The following CNTN5 variants were observed in gnomAD, a reference collection of about 807,000 sequenced individuals.
The protein encoded by CNTN5 is contactin 5, also known as contactin-5.
CNTN5 carries 77 observed loss-of-function variants against 129.1 expected under a neutral mutation model. That is an observed-to-expected ratio of 0.60 (90% CI 0.50 to 0.72). The LOEUF (loss-of-function observed/expected upper bound fraction) is 0.72. Ranked by LOEUF, CNTN5 falls within the 30% of genes least tolerant of loss-of-function variation. The pLI is 0.00. For synonymous variants in CNTN5, 509 were observed against 465.6 expected (o/e 1.09, Z -1.20); for missense variants, 1,478 against 1,328.8 (o/e 1.11, Z -1.75).
intron 1 of CNTN5, among the ~76,000 whole-genome samples, chr11:99,027,632 T>C (rs1328637888): frequency 6.6e-6 from 1 of 151,686 alleles, no homozygotes; most frequent in African/African-American, 2.4e-5. Flanking sequence ...TAAATTGTTT[T>C]AGAATGAATA....
chr11:99,468,278 A>G (rs1043537059), intron 2 of CNTN5, among the ~76,000 whole-genome samples: 6 of 152,324 alleles, frequency 3.9e-5, no homozygotes, highest in Admixed American at 2.0e-4. Context: ...AGACTCATGT[A>G]GGATCATCTT....
intron 3 of CNTN5, among the ~76,000 whole-genome samples, chr11:99,611,569 G>C (rs1024990034): frequency 6.6e-6 from 1 of 152,150 alleles, no homozygotes; most frequent in Admixed American, 6.6e-5. Flanking sequence ...AAATGGATTT[G>C]TGTTCAATTT....
At chr11:99,620,889 C>G (rs1950926948) in intron 3 of CNTN5, among the ~76,000 whole-genome samples, 1 of 151,694 alleles carries the variant, frequency 6.6e-6, no homozygotes, top group South Asian at 2.1e-4. Flanking sequence ...AAAATAAAAA[C>G]TTTAGAGAAA....
At chr11:99,954,875 C>G (rs2136162706) in intron 7 of CNTN5, among the ~76,000 whole-genome samples, 1 of 152,220 alleles carries the variant, frequency 6.6e-6, no homozygotes, top group South Asian at 2.1e-4. Flanking sequence ...ACTTGAAGAA[C>G]TAAATAAGCA....
chr11:99,921,000 C>T (rs1949924901), intron 7 of CNTN5, among the ~76,000 whole-genome samples: 2 of 152,106 alleles, frequency 1.3e-5, no homozygotes, highest in Admixed American at 6.5e-5. Flanking sequence ...AGCTCTCTTT[C>T]TCTACTGAAT....
intron 3 of CNTN5, among the ~76,000 whole-genome samples, chr11:99,722,916 C>T (rs1943220661): frequency 6.6e-6 from 1 of 152,006 alleles, no homozygotes; most frequent in Non-Finnish European, 1.5e-5. Flanking sequence ...TCCTTGCACT[C>T]TCATTTCCTC....
In CNTN5 at chr11:100,292,517, T is replaced by C. The variant is rs114776076; in HGVS notation, c.2315-5108T>C. On this transcript the variant is annotated intron_variant, in intron 18 of 24. Coordinates refer to ENST00000524871, the MANE Select transcript of CNTN5 (RefSeq NM_014361.4). ...TTTCCTCAAGTAGCTCAGTATGAAA[T>C]TGAGGTATTCTAGAAAACTCCGAAA... Among the ~76,000 whole-genome samples the C allele has an allele frequency of 9.4e-3, 1,426 of 152,118 alleles. 24 individuals are homozygous for C. The highest frequency in any genetic ancestry group is 0.032 in the African/African-American group (1,342 of 41,532).
chr11:99,043,291 C>G (rs1591095052), intron 1 of CNTN5, among the ~76,000 whole-genome samples: 1 of 130,220 alleles, frequency 7.7e-6, no homozygotes, highest in Non-Finnish European at 1.6e-5. Context: ...CCCCTCCCCC[C>G]ACCCCACCAC....
In CNTN5 at chr11:100,353,247, A is replaced by G. The variant is rs73565684; in HGVS notation, c.3199+2377A>G. Among the ~76,000 whole-genome samples the G allele has an allele frequency of 3.3e-3, 501 of 151,632 alleles. 3 individuals carry two copies. The highest frequency in any genetic ancestry group is 0.012 in the African/African-American group (480 of 41,474). On this transcript the variant is annotated intron_variant, in intron 24 of 24. Transcript: ENST00000524871. Reference sequence around the variant, plus strand: ...GAGTTTCAGTATGGGAAACTCTTACACTATTGTCTACCTTAGACTCAGAAC... The same window carrying G: ...GAGTTTCAGTATGGGAAACTCTTACGCTATTGTCTACCTTAGACTCAGAAC...
chr11:100,196,604 A>C (rs185894308), intron 15 of CNTN5, among the ~76,000 whole-genome samples: 1 of 152,188 alleles, frequency 6.6e-6, no homozygotes, highest in Non-Finnish European at 1.5e-5. Context: ...AAAAAATAAT[A>C]GTATTGCTTT....
intron 3 of CNTN5, among the ~76,000 whole-genome samples, chr11:99,716,140 C>T (rs1277846296): frequency 2.6e-5 from 4 of 151,870 alleles, no homozygotes; most frequent in Admixed American, 2.0e-4. Context: ...CTCATATTTT[C>T]TTTTGTTCTT....
At chr11:99,617,340 A>G (rs962572110) in intron 3 of CNTN5, among the ~76,000 whole-genome samples, 1 of 152,140 alleles carries the variant, frequency 6.6e-6, no homozygotes, top group African/African-American at 2.4e-5. Flanking sequence ...TATAAATGAA[A>G]CATTTATAAA....
intron 1 of CNTN5, among the ~76,000 whole-genome samples, chr11:99,170,305 G>A (rs1241901889): frequency 1.3e-5 from 2 of 152,196 alleles, no homozygotes; most frequent in African/African-American, 4.8e-5. Context: ...TCCCAAGGAC[G>A]CACAGGTTAA....
intron 3 of CNTN5, among the ~76,000 whole-genome samples, chr11:99,661,938 C>T (rs1952608195): frequency 6.6e-6 from 1 of 152,018 alleles, no homozygotes; most frequent in Non-Finnish European, 1.5e-5. Context: ...AATAAAATAT[C>T]ATACATATAG....
At chr11:99,075,786 A>T (rs1007388086) in intron 1 of CNTN5, among the ~76,000 whole-genome samples, 10 of 152,238 alleles carry the variant, frequency 6.6e-5, no homozygotes, top group African/African-American at 2.4e-4. Context: ...GGTTATCAGT[A>T]ACAACTTTGT....
At chr11:100,095,803 A>G (rs1381090231) in intron 13 of CNTN5, among the ~76,000 whole-genome samples, 1 of 152,096 alleles carries the variant, frequency 6.6e-6, no homozygotes, top group Non-Finnish European at 1.5e-5. Flanking sequence ...GTCAGTTTTT[A>G]TCTACACGTG....
intron 1 of CNTN5, among the ~76,000 whole-genome samples, chr11:99,116,126 A>G (rs1250507475): frequency 1.3e-5 from 2 of 152,200 alleles, no homozygotes; most frequent in Non-Finnish European, 2.9e-5. Context: ...CACAATATAG[A>G]GAAAATAATA....
chr11:100,295,949 A>C (rs1951091339), intron 18 of CNTN5, among the ~76,000 whole-genome samples: 1 of 151,472 alleles, frequency 6.6e-6, no homozygotes, highest in African/African-American at 2.4e-5. Flanking sequence ...ATTTAAAAAA[A>C]CAAAAATACT....
intron 2 of CNTN5, among the ~76,000 whole-genome samples, chr11:99,400,618 A>G (rs1038064480): frequency 1.3e-5 from 2 of 152,082 alleles, no homozygotes; most frequent in East Asian, 1.9e-4. Flanking sequence ...GCTGGGTCAT[A>G]TGGTAGCTCT....
Sources: allele counts gnomAD v4.1 joint callset (sites outside exome capture counted in the v4.1 genomes callset), GRCh38; gene constraint gnomAD v4.1.1; transcripts MANE v1.5; gene names NCBI Gene and HGNC (gene_info 2026-07-23, HGNC 2026-07-21).